IKZF1: variants seen among roughly 807,000 people sequenced by gnomAD.
The protein encoded by IKZF1 is IKAROS family zinc finger 1, also known as DNA-binding protein Ikaros.
IKZF1 carries 10 observed loss-of-function variants against 51.7 expected under a neutral mutation model. That is an observed-to-expected ratio of 0.19 (90% CI 0.12 to 0.33). The LOEUF (loss-of-function observed/expected upper bound fraction) is 0.33. IKZF1 is among the 10% of genes least tolerant of loss of function. The pLI is 1.00. For missense variants in IKZF1, 484 were observed against 707.5 expected (o/e 0.68, Z 3.58); for synonymous variants, 280 against 282.3 (o/e 0.99, Z 0.08).
chr7:50,331,869 T>C (rs1388041329), intron 3 of IKZF1, among the ~76,000 whole-genome samples: 2 of 152,250 alleles, frequency 1.3e-5, no homozygotes, highest in African/African-American at 4.8e-5. Context: ...AAAGTGTTGC[T>C]TGAAGAATTT....
chr7:50,326,386 C>G (rs1420001583), intron 2 of IKZF1, among the ~76,000 whole-genome samples: 1 of 152,198 alleles, frequency 6.6e-6, no homozygotes, highest in African/African-American at 2.4e-5. Flanking sequence ...TTCTTCAGGA[C>G]CTTCATCTAA....
intron 5 of IKZF1, among the ~76,000 whole-genome samples, chr7:50,382,908 G>A (rs1286281356): frequency 2.0e-5 from 3 of 152,074 alleles, no homozygotes; most frequent in Non-Finnish European, 4.4e-5. Context: ...CTGCACCAGG[G>A]AGATTGGGCG....
chr7:50,395,376 A>T lies in IKZF1; in HGVS notation c.850+3513A>T, dbSNP rs571246373. Among the ~76,000 whole-genome samples, 6 of 152,354 alleles carry T rather than the reference A, an allele frequency of 3.9e-5. No individual in the cohort carries two copies. In the South Asian group the frequency reaches 1.2e-3, roughly 32 times the overall value. ...GCTTATTTTAAATATCCTCTGACAT[A>T]AAGGAATATTATATTTAAAGGATCC... On this transcript the variant is annotated intron_variant, in intron 7 of 7. Coordinates refer to ENST00000331340, the MANE Select transcript of IKZF1 (RefSeq NM_006060.6).
At chr7:50,316,584 G>A (rs768374022) in intron 1 of IKZF1, among the ~76,000 whole-genome samples, 1 of 152,242 alleles carries the variant, frequency 6.6e-6, no homozygotes, top group Non-Finnish European at 1.5e-5. Context: ...CAGGAGACTG[G>A]TGCGGGGACT....
At chr7:50,339,047 C>T (rs891644870) in intron 3 of IKZF1, among the ~76,000 whole-genome samples, 2 of 152,134 alleles carry the variant, frequency 1.3e-5, no homozygotes, top group East Asian at 1.9e-4. Context: ...TGAAGTCTAC[C>T]GTGGTTGGGA....
intron 3 of IKZF1, among the ~76,000 whole-genome samples, chr7:50,366,387 A>G (rs1376379135): frequency 6.6e-6 from 1 of 152,246 alleles, no homozygotes; most frequent in Non-Finnish European, 1.5e-5. Flanking sequence ...CCAAGACTGC[A>G]CAAGGCTACA....
rs890256482 is a variant in IKZF1 at position 50,348,403 on chromosome 7, C to T, written c.160+20646C>T. ...ACGTTGGCTATTAGCAGAATTCTCA[C>T]TTCTAAAAGGAAAATGAGTGTGAGC... On this transcript the variant is annotated intron_variant, in intron 3 of 7. Transcript: ENST00000331340. Among the ~76,000 whole-genome samples, 7 of 152,216 alleles carry T rather than the reference C, an allele frequency of 4.6e-5. No individual in the cohort carries two copies. The East Asian group carries it at 1.3e-3, about 29-fold the overall frequency.
chr7:50,385,333 T>C (rs78639599), intron 5 of IKZF1, among the ~76,000 whole-genome samples: 6,636 of 152,298 alleles, frequency 0.044, 191 homozygotes, highest in East Asian at 0.12. Flanking sequence ...CATTGTGGAA[T>C]GGTGACTCCC....
rs1384061557 is a variant in IKZF1, at chr7:50,401,383, T to C, written c.*756T>C. Reference sequence around the variant, plus strand: ...ATGGCCTGAGCCTCCCGAGGCTTGCTGCCCCGTAGGAGGAGACTGTCTTCC... The same window carrying C: ...ATGGCCTGAGCCTCCCGAGGCTTGCCGCCCCGTAGGAGGAGACTGTCTTCC... On this transcript the variant is annotated 3_prime_UTR_variant, in exon 8 of 8. Transcript: ENST00000331340. The C allele has an allele frequency of 8.8e-6, 2 of 228,000 alleles. No homozygotes were observed. Among genetic ancestry groups the C allele is most frequent in the Non-Finnish European group, 1.7e-5 (2 of 114,694 alleles). The allele number at this position is 228,000 out of a possible 1,614,324, so 14.1% of individuals were successfully genotyped here.
intron 1 of IKZF1, among the ~76,000 whole-genome samples, chr7:50,316,331 C>T (rs917749488): frequency 5.9e-5 from 9 of 152,188 alleles, no homozygotes; most frequent in Non-Finnish European, 1.3e-4. Flanking sequence ...GCCCATGAAG[C>T]CCCCTGCTGT....
chr7:50,396,371 T>C (rs1360968362), intron 7 of IKZF1, among the ~76,000 whole-genome samples: 1 of 152,220 alleles, frequency 6.6e-6, no homozygotes, highest in East Asian at 1.9e-4. Context: ...AATTTTATAA[T>C]AATATTATTT....
chr7:50,346,291 C>A (rs376861361), intron 3 of IKZF1, among the ~76,000 whole-genome samples: 1 of 152,288 alleles, frequency 6.6e-6, no homozygotes, highest in East Asian at 1.9e-4. Flanking sequence ...CAGGTGATCA[C>A]CTCGCCTATT....
chr7:50,354,824 C>G (rs1802835739), intron 3 of IKZF1, among the ~76,000 whole-genome samples: 1 of 152,102 alleles, frequency 6.6e-6, no homozygotes, highest in Non-Finnish European at 1.5e-5. Flanking sequence ...ACTTAGACCT[C>G]CCCTCCAGCT....
chr7:50,329,182 G>A (rs757377361), intron 3 of IKZF1, among the ~76,000 whole-genome samples: 1 of 149,994 alleles, frequency 6.7e-6, no homozygotes, highest in African/African-American at 2.5e-5. Flanking sequence ...TTTTAACTCA[G>A]CAGCACAGTT....
At chr7:50,387,757 T>C (rs889252597) in intron 6 of IKZF1, among the ~76,000 whole-genome samples, 20 of 152,340 alleles carry the variant, frequency 1.3e-4, no homozygotes, top group Admixed American at 9.2e-4. Flanking sequence ...GTTTTGGGGT[T>C]GTTTTTTGGA....
chr7:50,350,993 G>A (rs2153430452), intron 3 of IKZF1, among the ~76,000 whole-genome samples: 1 of 152,338 alleles, frequency 6.6e-6, no homozygotes, highest in East Asian at 1.9e-4. Flanking sequence ...TCTAGCAAAA[G>A]AGGTTTATAT....
At chr7:50,356,694 T>A (rs1252633423) in intron 3 of IKZF1, among the ~76,000 whole-genome samples, 1 of 152,228 alleles carries the variant, frequency 6.6e-6, no homozygotes, top group Non-Finnish European at 1.5e-5. Context: ...TGGGCTGGTA[T>A]CTCGCGGCGG....
intron 3 of IKZF1, among the ~76,000 whole-genome samples, chr7:50,374,621 G>A (rs1240627811): frequency 6.6e-6 from 1 of 152,238 alleles, no homozygotes; most frequent in Admixed American, 6.5e-5. Context: ...TTGGGGTTAG[G>A]TGAAAGACTG....
intron 2 of IKZF1, among the ~76,000 whole-genome samples, chr7:50,325,278 C>CAA (rs71018469): frequency 0.024 from 2,261 of 93,636 alleles, 119 homozygotes; most frequent in African/African-American, 0.092. Context: ...CCGCTGCCAC[C>CAA]AAAAAAAAAA....
Sources: allele counts gnomAD v4.1 joint callset (sites outside exome capture counted in the v4.1 genomes callset), GRCh38; gene constraint gnomAD v4.1.1; transcripts MANE v1.5; gene names NCBI Gene and HGNC (gene_info 2026-07-23, HGNC 2026-07-21).